The following CYTH4 variants were observed in gnomAD, a reference collection of about 807,000 sequenced individuals.
CYTH4 encodes the protein cytohesin 4.
In CYTH4, 22 loss-of-function variants were observed where a neutral mutation model predicts 57.5. The observed-to-expected ratio is 0.38, with a 90% CI of 0.27 to 0.55. CYTH4 has a LOEUF of 0.55. Among genes scored for constraint, CYTH4 ranks in the 20% least tolerant of loss-of-function variants. The pLI is 0.74. For synonymous variants in CYTH4, 186 were observed against 206.5 expected, an observed-to-expected ratio of 0.90 and a Z score of 0.85; for missense variants, 420 against 535.6, an observed-to-expected ratio of 0.78 and a Z score of 2.13.
At position 37,298,135 on chromosome 22, in the gene CYTH4, G is replaced by A. The variant is rs976292397; in HGVS notation, c.353+453G>A. 5 of 157,192 alleles carry A rather than the reference G, an allele frequency of 3.2e-5. No homozygotes were observed. Among genetic ancestry groups the A allele is most frequent in the South Asian group, 3.3e-4 (2 of 6,134 alleles). The allele number at this position is 157,192 out of a possible 1,614,324, so 9.7% of individuals were successfully genotyped here. A position where few individuals can be genotyped will look rare whatever the true frequency, so the allele number is the denominator to read the frequency against. ...TGTAATCCCAGCACTTTGGGAGGCC[G>A]AGGCAGGCAGATCGCGAGGTCAGGA... On this transcript the variant is annotated intron_variant, in intron 5 of 12. Transcript: ENST00000248901. The surrounding 1 kb of genome is among the most constrained non-coding windows in gnomAD (Gnocchi z 4.1).
chr22:37,294,018 G>A (rs372357343), intron 2 of CYTH4, among the ~76,000 whole-genome samples: 1 of 151,534 alleles, frequency 6.6e-6, no homozygotes, highest in Non-Finnish European at 1.5e-5. Context: ...CTTAGTCAAG[G>A]GTGAGCAACA....
intron 8 of CYTH4, among the ~76,000 whole-genome samples, chr22:37,308,248 C>G (rs1189486717): frequency 6.6e-6 from 1 of 152,244 alleles, no homozygotes; most frequent in African/African-American, 2.4e-5. Context: ...GACCCTCCTC[C>G]CATGGCTTTT....
chr22:37,283,367 G>A (rs1336683612), intron 1 of CYTH4, among the ~76,000 whole-genome samples: 2 of 152,214 alleles, frequency 1.3e-5, no homozygotes, highest in African/African-American at 4.8e-5. Flanking sequence ...CCAAGTTTCT[G>A]CACCCTGGAT....
intron 1 of CYTH4, among the ~76,000 whole-genome samples, chr22:37,284,191 T>C (rs998068332): frequency 3.9e-5 from 6 of 152,152 alleles, no homozygotes; most frequent in African/African-American, 9.7e-5. Context: ...ATGGATTAAA[T>C]GGGGTCAATG....
intron 8 of CYTH4, among the ~76,000 whole-genome samples, chr22:37,308,721 C>T (rs12167328): frequency 0.014 from 1,723 of 127,508 alleles, 24 homozygotes; most frequent in African/African-American, 0.045. Flanking sequence ...TGTGTGTGTG[C>T]GTGTATGTAT....
chr22:37,294,943 T>A (rs1387827512), intron 3 of CYTH4, among the ~76,000 whole-genome samples: 1 of 152,172 alleles, frequency 6.6e-6, no homozygotes, highest in Non-Finnish European at 1.5e-5. Flanking sequence ...TGAGAGACAC[T>A]GCGTCCTCCC....
At chr22:37,286,196 G>A (rs1209121517) in intron 1 of CYTH4, among the ~76,000 whole-genome samples, 1 of 152,104 alleles carries the variant, frequency 6.6e-6, no homozygotes, top group Non-Finnish European at 1.5e-5. Flanking sequence ...GCGTCCGACG[G>A]GTGTTTGATG....
chr22:37,300,223 G>T (rs1929130075), intron 6 of CYTH4: 1 of 717,256 alleles, frequency 1.4e-6, no homozygotes, highest in Admixed American at 2.0e-5. Flanking sequence ...GAAGGAAGAA[G>T]CCACCACCAT....
At position 37,305,714 on chromosome 22, in the gene CYTH4, CAGA is replaced by C. The variant is rs1040449402; in HGVS notation, c.696+2315_696+2317del. 1.0e-3 allele frequency among the ~76,000 whole-genome samples: 156 copies of C among 152,300 alleles called. 1 individual carries two copies. Among genetic ancestry groups the C allele is most frequent in the African/African-American group, 3.7e-3 (152 of 41,560 alleles). ...CAGATAGTCAAAGGTCAGCACTTTG[CAGA>C]AGGATTCTCCAGTTTGGGCCCATTA... On this transcript the variant is annotated intron_variant, in intron 8 of 12. Transcript: ENST00000248901.
At chr22:37,289,940 A>T (rs1164189537) in intron 1 of CYTH4, among the ~76,000 whole-genome samples, 2 of 152,138 alleles carry the variant, frequency 1.3e-5, no homozygotes, top group Non-Finnish European at 2.9e-5. Context: ...CAAGAGTGGC[A>T]CCCACACCTG....
At position 37,309,205 on chromosome 22, in the gene CYTH4, G is replaced by A; in HGVS notation, c.697-7G>A. 8.1e-6 allele frequency: 13 copies of A among 1,613,608 alleles called. No homozygotes were observed. Among genetic ancestry groups the A allele is most frequent in the Non-Finnish European group, 1.1e-5 (13 of 1,179,624 alleles). On this transcript the variant is annotated splice_polypyrimidine_tract_variant and splice_region_variant and intron_variant, in intron 8 of 12. Transcript: ENST00000248901. ...GCCAGGTCTTTCTCTCCCTTGTCTT[G>A]GGGCAGAACCTCTTCGACAGCATCA...
chr22:37,297,581 T>C lies in CYTH4; in HGVS notation c.252T>C (p.Ile84=). Reference sequence around the variant, plus strand: ...CCCTCCAGGGTATCCAGTATTTCATTGAGCACAAGCTGCTGACCCCTGACG... The same window carrying C: ...CCCTCCAGGGTATCCAGTATTTCATCGAGCACAAGCTGCTGACCCCTGACG... ...MDPAKGIQYF[I]EHKLLTPDVQ... The change falls in exon 5 of 13, where the codon ATT becomes ATC. Residue 84 remains isoleucine, a synonymous_variant. Transcript: ENST00000248901. 1 of 1,613,808 alleles carries C rather than the reference T, an allele frequency of 6.2e-7. No homozygotes were observed. Among genetic ancestry groups the C allele is most frequent in the Non-Finnish European group, 8.5e-7 (1 of 1,179,798 alleles).
chr22:37,311,188 C>A lies in CYTH4; in HGVS notation c.885+124C>A. The A allele has an allele frequency of 8.8e-7, 1 of 1,137,916 alleles. No individual in the cohort carries two copies. Among genetic ancestry groups the A allele is most frequent in the African/African-American group, 1.5e-5 (1 of 65,626 alleles). 70.5% of individuals were successfully genotyped at this position (1,137,916 alleles called of 1,614,324 possible). A position where few individuals can be genotyped will look rare whatever the true frequency, so the allele number is the denominator to read the frequency against. On this transcript the variant is annotated intron_variant, in intron 10 of 12. Coordinates refer to ENST00000248901, the MANE Select transcript of CYTH4 (RefSeq NM_013385.5). This position sits in a 1 kb window ranked among gnomAD's most constrained non-coding sequence, Gnocchi z 4.4. ...CCTTTGAGATCATTCAGTCCCCCTC[C>A]ATGCCCATTTTACAGATGGGGAAAA...
intron 8 of CYTH4, 23 bp from the exon 9 acceptor site, chr22:37,309,189 T>C (rs1280195384): frequency 6.2e-6 from 10 of 1,611,842 alleles, no homozygotes; most frequent in Non-Finnish European, 7.6e-6. Flanking sequence ...AGCCAGGTCT[T>C]TCTCTCCCTT....
Position 37,313,766 on chromosome 22 carries a change from A to G in CYTH4, c.*255A>G. On this transcript the variant is annotated 3_prime_UTR_variant, in exon 13 of 13. Coordinates refer to ENST00000248901, the MANE Select transcript of CYTH4 (RefSeq NM_013385.5). ...CAGGCCCCTGCCCTACGTGCACTAC[A>G]GGAAGGGGTGAGGAGAGCAGCCAGA... 1 of 522,624 alleles carries G rather than the reference A, an allele frequency of 1.9e-6. No individual in the cohort carries two copies. The highest frequency in any genetic ancestry group is 3.4e-6 in the Non-Finnish European group (1 of 291,318). The allele number at this position is 522,624 out of a possible 1,614,324, so 32.4% of individuals were successfully genotyped here.
intron 1 of CYTH4, among the ~76,000 whole-genome samples, chr22:37,284,751 G>A (rs1249788957): frequency 6.6e-6 from 1 of 152,234 alleles, no homozygotes; most frequent in African/African-American, 2.4e-5. Context: ...GTGACTCAGG[G>A]GCCCCCAGGG....
At chr22:37,307,259 C>G (rs1266536395) in intron 8 of CYTH4, among the ~76,000 whole-genome samples, 2 of 152,226 alleles carry the variant, frequency 1.3e-5, no homozygotes, top group African/African-American at 4.8e-5. Flanking sequence ...GCAGAATGTA[C>G]AGGCTGATAC....
At chr22:37,294,554 G>A (rs1928880497) in intron 2 of CYTH4, 106 bp from the exon 3 acceptor site, 1 of 1,302,134 alleles carries the variant, frequency 7.7e-7, no homozygotes, top group Admixed American at 1.9e-5. Flanking sequence ...GAGGGGCCAG[G>A]TTTGAGAGTC....
intron 1 of CYTH4, among the ~76,000 whole-genome samples, chr22:37,291,758 A>G (rs1928754490): frequency 6.6e-6 from 1 of 152,242 alleles, no homozygotes; most frequent in South Asian, 2.1e-4. Flanking sequence ...TGGATGAAAC[A>G]GAAGCCACCA....
Sources: allele counts gnomAD v4.1 joint callset (sites outside exome capture counted in the v4.1 genomes callset), GRCh38; gene constraint gnomAD v4.1.1; non-coding constraint Gnocchi (gnomAD v3.1); transcripts MANE v1.5; gene names NCBI Gene and HGNC (gene_info 2026-07-23, HGNC 2026-07-21).